The following NBEA variants were observed in gnomAD, a reference collection of about 807,000 sequenced individuals.
NBEA encodes the protein lysosomal-trafficking regulator 2.
NBEA carries 44 observed loss-of-function variants against 343.4 expected under a neutral mutation model. That is an observed-to-expected ratio of 0.13 (90% confidence interval 0.10 to 0.16). The LOEUF (loss-of-function observed/expected upper bound fraction) is 0.16, where lower values mean the gene tolerates loss of function less well. Ranked by LOEUF, NBEA falls within the 10% of genes least tolerant of loss-of-function variation. NBEA has a pLI of 1.00. For missense variants in NBEA, 2,555 were observed against 3,631.3 expected (o/e 0.70, Z 7.62); for synonymous variants, 1,175 against 1,238.7 (o/e 0.95, Z 1.08).
chr13:35,528,964 A>G (rs1405093674), intron 41 of NBEA, among the ~76,000 whole-genome samples: 1 of 152,168 alleles, frequency 6.6e-6, no homozygotes, highest in African/African-American at 2.4e-5. Flanking sequence ...TGAGTATGGT[A>G]TTATTTTATA....
chr13:35,474,904 T>G, intron 41 of NBEA: 1 of 916,850 alleles, frequency 1.1e-6, no homozygotes, highest in Admixed American at 2.8e-5. Context: ...CTTGTGGGGG[T>G]GGGTGAGATG....
At chr13:35,007,082 ATT>A (rs11308753) in intron 1 of NBEA, among the ~76,000 whole-genome samples, 5 of 151,842 alleles carry the variant, frequency 3.3e-5, no homozygotes, top group South Asian at 2.1e-4. Context: ...TGTAGATGTG[ATT>A]TTTTTTTTGT....
At chr13:35,149,389 T>A (rs1269503424) in intron 18 of NBEA, among the ~76,000 whole-genome samples, 1 of 152,180 alleles carries the variant, frequency 6.6e-6, no homozygotes, top group Non-Finnish European at 1.5e-5. Context: ...ATGATAATGG[T>A]ATTTTTTTTG....
At chr13:35,144,566 C>T (rs941318855) in intron 18 of NBEA, among the ~76,000 whole-genome samples, 7 of 152,136 alleles carry the variant, frequency 4.6e-5, no homozygotes, top group African/African-American at 9.7e-5. Context: ...GAAACTGCTG[C>T]CTGGAGTTTT....
At chr13:35,290,741 G>A (rs1005909308) in intron 35 of NBEA, among the ~76,000 whole-genome samples, 5 of 150,180 alleles carry the variant, frequency 3.3e-5, no homozygotes, top group African/African-American at 1.2e-4. Flanking sequence ...TATAAAATAC[G>A]ATATATAAAA....
At chr13:35,139,744 GTTTTTTTTTTTTTT>G (rs36117821) in intron 17 of NBEA, among the ~76,000 whole-genome samples, 2 of 61,128 alleles carry the variant, frequency 3.3e-5, no homozygotes, top group African/African-American at 7.7e-5. Context: ...GATGGATGGC[GTTTTTTTTTTTTTT>G]TTTTTTTTTT....
intron 40 of NBEA, among the ~76,000 whole-genome samples, chr13:35,457,571 A>G (rs965469397): frequency 1.7e-4 from 26 of 152,194 alleles, no homozygotes; most frequent in Non-Finnish European, 5.9e-5. Context: ...TTCACTTAGC[A>G]TGGTGTCATC....
intron 38 of NBEA, among the ~76,000 whole-genome samples, chr13:35,400,981 A>G (rs1485378010): frequency 6.6e-6 from 1 of 151,874 alleles, no homozygotes; most frequent in African/African-American, 2.4e-5. Context: ...GCTCATTTCT[A>G]ACATCATCTG....
chr13:35,354,435 C>T (rs2040380012), intron 38 of NBEA, among the ~76,000 whole-genome samples: 1 of 152,136 alleles, frequency 6.6e-6, no homozygotes, highest in African/African-American at 2.4e-5. Context: ...AGCTAAAGGA[C>T]AGTGACCTCC....
intron 35 of NBEA, among the ~76,000 whole-genome samples, chr13:35,303,449 A>G (rs991093870): frequency 1.3e-5 from 2 of 152,218 alleles, no homozygotes; most frequent in Non-Finnish European, 2.9e-5. Flanking sequence ...TTAAAACCAC[A>G]TATATCTTAA....
chr13:35,565,342 G>A (rs1465816918), intron 44 of NBEA, among the ~76,000 whole-genome samples: 2 of 152,140 alleles, frequency 1.3e-5, no homozygotes, highest in East Asian at 3.8e-4. Context: ...TTTGGTGCTT[G>A]CAATTACAGA....
chr13:35,433,083 A>G (rs556415010), intron 39 of NBEA, among the ~76,000 whole-genome samples: 3 of 152,196 alleles, frequency 2.0e-5, no homozygotes, highest in Admixed American at 2.0e-4. Flanking sequence ...ATTAATTATC[A>G]CACTACAGTA....
intron 13 of NBEA, among the ~76,000 whole-genome samples, chr13:35,113,061 A>G (rs1566304626): frequency 6.6e-6 from 1 of 152,116 alleles, no homozygotes; most frequent in Admixed American, 6.5e-5. Context: ...GCTTAGTTGC[A>G]TTCTTACTTT....
At chr13:35,607,485 CT>C (rs2082327709) in intron 48 of NBEA, among the ~76,000 whole-genome samples, 1 of 152,164 alleles carries the variant, frequency 6.6e-6, no homozygotes, top group Admixed American at 6.6e-5. Flanking sequence ...CAATAAACCA[CT>C]TTACAAAACA....
chr13:35,550,845 A>G, intron 42 of NBEA, 85 bp from the exon 43 acceptor site: 1 of 786,832 alleles, frequency 1.3e-6, no homozygotes, highest in Non-Finnish European at 2.1e-6. Context: ...ATAAATCATG[A>G]TAGGCACTTG....
chr13:35,401,060 GATTAT>G lies in NBEA; in HGVS notation c.6180-31200_6180-31196del, dbSNP rs1375429233. On this transcript the variant is annotated intron_variant, in intron 38 of 58. Transcript: ENST00000379939. ...CCTCAAAGCACTTTATTCAAACATTGATTATATTATATTGTAATTATTTATCTATT... is the reference window on the plus strand; with the variant it reads ...CCTCAAAGCACTTTATTCAAACATTGATTATATTGTAATTATTTATCTATT... Among the ~76,000 whole-genome samples, 3 of 151,800 alleles carry G rather than the reference GATTAT, an allele frequency of 2.0e-5. No individual in the cohort carries two copies. The East Asian group carries it at 5.8e-4, about 29-fold the overall frequency.
chr13:35,464,815 A>C (rs777390801), intron 40 of NBEA, among the ~76,000 whole-genome samples: 1 of 152,138 alleles, frequency 6.6e-6, no homozygotes, highest in Non-Finnish European at 1.5e-5. Context: ...TTTACCTTAT[A>C]CTATAAGCTC....
At chr13:35,522,506 A>AAAAAAAAAC (rs2077768547) in intron 41 of NBEA, among the ~76,000 whole-genome samples, 1 of 97,906 alleles carries the variant, frequency 1.0e-5, no homozygotes. Flanking sequence ...AAAAAAAAAA[A>AAAAAAAAAC]TGGATGCTGG....
chr13:35,141,498 C>T (rs2068091396), intron 17 of NBEA, among the ~76,000 whole-genome samples: 1 of 152,092 alleles, frequency 6.6e-6, no homozygotes, highest in Non-Finnish European at 1.5e-5. Context: ...AACTTCTGAC[C>T]TCGTGATCCA....
Sources: allele counts gnomAD v4.1 joint callset (sites outside exome capture counted in the v4.1 genomes callset), GRCh38; gene constraint gnomAD v4.1.1; transcripts MANE v1.5; gene names NCBI Gene and HGNC (gene_info 2026-07-23, HGNC 2026-07-21).